SH3GL2: variants seen among roughly 807,000 people sequenced by gnomAD.
The protein encoded by SH3GL2 is SH3 domain containing GRB2 like 2, endophilin A1.
In SH3GL2, 24 loss-of-function variants were observed where a neutral mutation model predicts 46.0. That is an observed-to-expected ratio of 0.52 (90% CI 0.38 to 0.73). The LOEUF (loss-of-function observed/expected upper bound fraction) is 0.73, where lower values mean the gene tolerates loss of function less well. Among genes scored for constraint, SH3GL2 ranks in the 30% least tolerant of loss-of-function variants. The probability of loss-of-function intolerance (pLI) is 0.00; values close to 1 mark genes in which losing one functional copy is unlikely to be tolerated. For synonymous variants in SH3GL2, 196 were observed against 147.1 expected, an observed-to-expected ratio of 1.33 and a Z score of -2.40; for missense variants, 413 against 424.2, an observed-to-expected ratio of 0.97 and a Z score of 0.23.
chr9:17,618,940 G>A (rs749869623), intron 1 of SH3GL2, among the ~76,000 whole-genome samples: 9 of 151,968 alleles, frequency 5.9e-5, no homozygotes, highest in East Asian at 1.9e-4. Flanking sequence ...AAAATTCAGC[G>A]CTTTTAGTAA....
At chr9:17,656,945 A>G (rs1306118476) in intron 1 of SH3GL2, among the ~76,000 whole-genome samples, 1 of 152,140 alleles carries the variant, frequency 6.6e-6, no homozygotes, top group Non-Finnish European at 1.5e-5. Flanking sequence ...TCATTTAATG[A>G]CTTTCAGAAA....
intron 1 of SH3GL2, among the ~76,000 whole-genome samples, chr9:17,625,828 T>C (rs1368643625): frequency 6.6e-6 from 1 of 152,206 alleles, no homozygotes; most frequent in Non-Finnish European, 1.5e-5. Context: ...GGTATCGTTT[T>C]TCAGTGTGAA....
Position 17,581,749 on chromosome 9 carries a change from A to C in SH3GL2, c.45+2462A>C, listed in dbSNP as rs1295975069. On this transcript the variant is annotated intron_variant, in intron 1 of 8. Transcript: ENST00000380607. ...GTTTGACTCTTGTCGCCCAGGCAGG[A>C]GTGCAATGGCGTGATCTCAGCATAC... 3.3e-5 allele frequency among the ~76,000 whole-genome samples: 5 copies of C among 152,036 alleles called. No individual in the cohort carries two copies. The East Asian group carries it at 9.6e-4, about 29-fold the overall frequency.
chr9:17,778,474 A>ATGT (rs1487801296), intron 3 of SH3GL2, among the ~76,000 whole-genome samples: 2 of 152,174 alleles, frequency 1.3e-5, no homozygotes, highest in Admixed American at 1.3e-4. Flanking sequence ...ATAAAGTGCC[A>ATGT]TGTTGGCTGG....
intron 1 of SH3GL2, among the ~76,000 whole-genome samples, chr9:17,586,223 C>T (rs1393573069): frequency 6.6e-6 from 1 of 152,146 alleles, no homozygotes; most frequent in Non-Finnish European, 1.5e-5. Context: ...TAATCTCCCT[C>T]CGCCATCCCC....
At chr9:17,635,797 C>T (rs1173388582) in intron 1 of SH3GL2, among the ~76,000 whole-genome samples, 1 of 152,166 alleles carries the variant, frequency 6.6e-6, no homozygotes, top group African/African-American at 2.4e-5. Flanking sequence ...GAGTGGACAT[C>T]CTAAGGCTCT....
intron 1 of SH3GL2, among the ~76,000 whole-genome samples, chr9:17,738,641 T>TAGAGAGAGAGAGAGAGAG (rs1554645334): frequency 1.1e-5 from 1 of 88,900 alleles, no homozygotes; most frequent in Non-Finnish European, 2.3e-5. Flanking sequence ...TATATATATA[T>TAGAGAGAGAGAGAGAGAG]AGAGAGAGAG....
chr9:17,719,068 G>A (rs1442538730), intron 1 of SH3GL2, among the ~76,000 whole-genome samples: 1 of 152,096 alleles, frequency 6.6e-6, no homozygotes, highest in Non-Finnish European at 1.5e-5. Context: ...TTTAGTCAGG[G>A]TAGCTGTCTG....
chr9:17,655,923 GA>G (rs1820064799), intron 1 of SH3GL2, among the ~76,000 whole-genome samples: 1 of 152,194 alleles, frequency 6.6e-6, no homozygotes, highest in Admixed American at 6.5e-5. Flanking sequence ...TCATGATCCA[GA>G]AGAAAAGTGC....
chr9:17,656,111 G>A (rs1287285665), intron 1 of SH3GL2, among the ~76,000 whole-genome samples: 3 of 151,962 alleles, frequency 2.0e-5, no homozygotes, highest in African/African-American at 4.8e-5. Context: ...TTGATTTATC[G>A]TCTACTTAGG....
intron 1 of SH3GL2, among the ~76,000 whole-genome samples, chr9:17,614,800 C>T (rs1482351576): frequency 6.6e-6 from 1 of 152,132 alleles, no homozygotes; most frequent in Non-Finnish European, 1.5e-5. Context: ...TGTCTTTGCT[C>T]TTTCTCTGCC....
At chr9:17,596,205 G>C (rs1818568641) in intron 1 of SH3GL2, among the ~76,000 whole-genome samples, 1 of 152,154 alleles carries the variant, frequency 6.6e-6, no homozygotes, top group Non-Finnish European at 1.5e-5. Context: ...GCCCTCCATA[G>C]AGCCCTGAAT....
At chr9:17,716,450 A>G (rs142009998) in intron 1 of SH3GL2, among the ~76,000 whole-genome samples, 1 of 152,298 alleles carries the variant, frequency 6.6e-6, no homozygotes, top group African/African-American at 2.4e-5. Flanking sequence ...GCTTTGCGCT[A>G]CTGAGATGAG....
At chr9:17,763,410 C>G (rs1354187761) in intron 3 of SH3GL2, among the ~76,000 whole-genome samples, 1 of 151,968 alleles carries the variant, frequency 6.6e-6, no homozygotes, top group Non-Finnish European at 1.5e-5. Context: ...TTAGGGTGGC[C>G]CCTAGAACCA....
In SH3GL2 at chr9:17,793,483, C is replaced by T. The variant is rs1824192798; in HGVS notation, c.845C>T (p.Thr282Ile). 6.2e-7 allele frequency: 1 copy of T among 1,613,062 alleles called. No individual in the cohort carries two copies. Among genetic ancestry groups the T allele is most frequent in the African/African-American group, 1.3e-5 (1 of 74,850 alleles). Reference protein sequence around the residue: ...QPNGGLSHTGTPKPSGVQMDQ... With the variant: ...QPNGGLSHTGIPKPSGVQMDQ... Reference sequence around the variant, plus strand: ...AATGGGGGTCTCTCCCACACAGGCACTCCCAAACCTTCAGGTAAGAGCTGA... The same window carrying T: ...AATGGGGGTCTCTCCCACACAGGCATTCCCAAACCTTCAGGTAAGAGCTGA... The change falls in exon 8 of 9, where the codon ACT becomes ATT. Residue 282 changes from threonine to isoleucine, a missense_variant. Thr to Ile is a moderately conservative substitution (Grantham distance 89). Around this residue, in one of 3 missense-constraint regions of SH3GL2, gnomAD observed 248 missense variants for 215.0 expected, o/e 1.15. Coordinates refer to ENST00000380607, the MANE Select transcript of SH3GL2 (RefSeq NM_003026.5).
intron 3 of SH3GL2, among the ~76,000 whole-genome samples, chr9:17,762,934 C>T (rs1256881421): frequency 6.6e-6 from 1 of 152,128 alleles, no homozygotes; most frequent in African/African-American, 2.4e-5. Context: ...AAGTTTTGGT[C>T]TTTATCTTTG....
intron 1 of SH3GL2, among the ~76,000 whole-genome samples, chr9:17,606,768 C>G (rs1401887610): frequency 6.6e-6 from 1 of 152,106 alleles, no homozygotes; most frequent in South Asian, 2.1e-4. Context: ...TTAGTTGTTC[C>G]ATATCCTGCA....
intron 1 of SH3GL2, among the ~76,000 whole-genome samples, chr9:17,613,778 C>T (rs1588173458): frequency 6.6e-6 from 1 of 152,290 alleles, no homozygotes; most frequent in Admixed American, 6.5e-5. Flanking sequence ...TAGCATTTCC[C>T]TGCTTTGACT....
chr9:17,738,565 C>CTT (rs1554645301), intron 1 of SH3GL2, among the ~76,000 whole-genome samples: 1 of 53,192 alleles, frequency 1.9e-5, no homozygotes, highest in African/African-American at 4.4e-5. Context: ...TATATACATA[C>CTT]ATATATATAT....
Sources: allele counts gnomAD v4.1 joint callset (sites outside exome capture counted in the v4.1 genomes callset), GRCh38; gene constraint gnomAD v4.1.1; regional missense constraint gnomAD v4.1.1; transcripts MANE v1.5; gene names NCBI Gene and HGNC (gene_info 2026-07-23, HGNC 2026-07-21).